RIMS2: variants seen among roughly 807,000 people sequenced by gnomAD.
RIMS2 encodes the protein regulating synaptic membrane exocytosis protein 2.
In RIMS2, 59 loss-of-function variants were observed where a neutral mutation model predicts 174.4. That is an observed-to-expected ratio of 0.34 (90% CI 0.27 to 0.42). The LOEUF is 0.42. Ranked by LOEUF, RIMS2 falls within the 10% of genes least tolerant of loss-of-function variation. The pLI is 1.00. For missense variants in RIMS2, 1,620 were observed against 1,666.3 expected (o/e 0.97, Z 0.48); for synonymous variants, 606 against 572.5 (o/e 1.06, Z -0.84).
At chr8:103,578,398 A>T (rs1278709977) in intron 1 of RIMS2, among the ~76,000 whole-genome samples, 1 of 150,784 alleles carries the variant, frequency 6.6e-6, no homozygotes, top group South Asian at 2.1e-4. Flanking sequence ...AGAGGAAATG[A>T]TGTGCACCTG....
intron 1 of RIMS2, among the ~76,000 whole-genome samples, chr8:103,577,024 T>A (rs1223999050): frequency 6.6e-6 from 1 of 152,138 alleles, no homozygotes; most frequent in Non-Finnish European, 1.5e-5. Flanking sequence ...GGCAAAGACT[T>A]TATGACTAAA....
At chr8:103,848,481 T>G (rs1056845981) in intron 3 of RIMS2, among the ~76,000 whole-genome samples, 1 of 151,998 alleles carries the variant, frequency 6.6e-6, no homozygotes, top group South Asian at 2.1e-4. Context: ...CTACTTCCAT[T>G]TTATTAGAAA....
intron 1 of RIMS2, among the ~76,000 whole-genome samples, chr8:103,530,643 A>C (rs370375065): frequency 9.0e-4 from 137 of 152,340 alleles, no homozygotes; most frequent in African/African-American, 3.1e-3. Flanking sequence ...TAGAATTTAA[A>C]GCAAAAATAT....
chr8:103,981,849 C>T (rs1026358266), intron 16 of RIMS2, among the ~76,000 whole-genome samples: 1 of 151,746 alleles, frequency 6.6e-6, no homozygotes, highest in Non-Finnish European at 1.5e-5. Flanking sequence ...AAAAGAAAAA[C>T]AAATAAAAAA....
chr8:103,960,396 T>G (rs2089579533), intron 14 of RIMS2, among the ~76,000 whole-genome samples: 1 of 152,208 alleles, frequency 6.6e-6, no homozygotes, highest in African/African-American at 2.4e-5. Context: ...CCTTTCCTAG[T>G]CTATTTCTTA....
rs528620062 is a variant in RIMS2, at chr8:103,681,172, T to A, written c.177-15914T>A. Among the ~76,000 whole-genome samples, 6 of 152,022 alleles carry A rather than the reference T, an allele frequency of 3.9e-5. No homozygotes were observed. In the East Asian group the frequency reaches 1.2e-3, roughly 29 times the overall value. ...ACGAACTCTTGGAACAACACTAAAT[T>A]TGGATTTGGCTTTTACCATTTACCA... On this transcript the variant is annotated intron_variant, in intron 1 of 23. Transcript: ENST00000504942.
intron 19 of RIMS2, among the ~76,000 whole-genome samples, chr8:104,032,664 TAA>T (rs2096422401): frequency 6.6e-6 from 1 of 152,082 alleles, no homozygotes; most frequent in African/African-American, 2.4e-5. Context: ...ATTGAAAATT[TAA>T]AACTTCAAGG....
intron 8 of RIMS2, 148 bp from the exon 12 acceptor site, chr8:103,918,289 CTTGT>C (rs1161535481): frequency 4.0e-6 from 2 of 496,990 alleles, no homozygotes; most frequent in African/African-American, 3.9e-5. Flanking sequence ...AGTACTAAGG[CTTGT>C]TTGTTTCTTA....
chr8:104,186,753 C>T (rs2098970046), intron 19 of RIMS2, among the ~76,000 whole-genome samples: 1 of 151,786 alleles, frequency 6.6e-6, no homozygotes, highest in South Asian at 2.1e-4. Context: ...GGTCTCCTTA[C>T]ATAGGCAGAT....
chr8:103,741,447 T>G (rs887767593), intron 2 of RIMS2, among the ~76,000 whole-genome samples: 2 of 152,120 alleles, frequency 1.3e-5, no homozygotes, highest in Non-Finnish European at 2.9e-5. Context: ...TATTTTTAAT[T>G]ATATATCAGC....
intron 1 of RIMS2, among the ~76,000 whole-genome samples, chr8:103,686,712 T>C (rs1349649555): frequency 6.6e-6 from 1 of 152,216 alleles, no homozygotes; most frequent in Non-Finnish European, 1.5e-5. Flanking sequence ...TGAGGATTTT[T>C]ACATCTGCTT....
intron 2 of RIMS2, among the ~76,000 whole-genome samples, chr8:103,747,510 A>G (rs1260686336): frequency 3.3e-5 from 5 of 152,084 alleles, no homozygotes; most frequent in African/African-American, 1.2e-4. Context: ...GTTGAGATAC[A>G]TTAGTGGAGG....
At chr8:103,863,740 T>A (rs1158536943) in intron 3 of RIMS2, among the ~76,000 whole-genome samples, 3 of 152,068 alleles carry the variant, frequency 2.0e-5, no homozygotes, top group South Asian at 4.1e-4. Flanking sequence ...TTCATAATAG[T>A]CTTTGAGGAT....
chr8:103,979,787 G>T (rs962314516), intron 16 of RIMS2, among the ~76,000 whole-genome samples: 1 of 152,198 alleles, frequency 6.6e-6, no homozygotes, highest in South Asian at 2.1e-4. Flanking sequence ...GAGGAAGAGC[G>T]CAGTGACTGG....
chr8:103,888,379 A>C (rs1362564314), intron 4 of RIMS2, among the ~76,000 whole-genome samples: 1 of 151,366 alleles, frequency 6.6e-6, no homozygotes, highest in Non-Finnish European at 1.5e-5. Flanking sequence ...TTTTTTATGG[A>C]GTATATAGAG....
intron 15 of RIMS2, among the ~76,000 whole-genome samples, chr8:103,967,159 G>A (rs1323521760): frequency 5.1e-5 from 5 of 98,524 alleles, no homozygotes; most frequent in South Asian, 3.6e-4. Context: ...CTGCCTGCTT[G>A]ATCTGTTCTT....
chr8:103,870,812 T>A (rs2154513267), intron 3 of RIMS2, among the ~76,000 whole-genome samples: 1 of 152,304 alleles, frequency 6.6e-6, no homozygotes, highest in East Asian at 1.9e-4. Context: ...ATAATCCAAT[T>A]GATCTTTATA....
At chr8:103,915,628 C>A in intron 7 of RIMS2, 34 bp downstream of exon 10, 1 of 1,114,812 alleles carries the variant, frequency 9.0e-7, no homozygotes, top group Non-Finnish European at 1.3e-6. Flanking sequence ...TACATTTAAA[C>A]CATTCAACTT....
At chr8:103,884,970 G>A (rs2099191052) in intron 3 of RIMS2, among the ~76,000 whole-genome samples, 1 of 151,802 alleles carries the variant, frequency 6.6e-6, no homozygotes, top group African/African-American at 2.4e-5. Context: ...AATAATAGTT[G>A]GTGGGTAGTG....
Sources: allele counts gnomAD v4.1 joint callset (sites outside exome capture counted in the v4.1 genomes callset), GRCh38; gene constraint gnomAD v4.1.1; transcripts MANE v1.5; gene names NCBI Gene and HGNC (gene_info 2026-07-23, HGNC 2026-07-21).